DCAF17: variants seen among roughly 807,000 people sequenced by gnomAD.
DCAF17 encodes DDB1- and CUL4-associated factor 17.
In DCAF17, 48 loss-of-function variants were observed where a neutral mutation model predicts 66.0. The observed-to-expected ratio is 0.73, with a 90% confidence interval of 0.58 to 0.92. The LOEUF (loss-of-function observed/expected upper bound fraction) is 0.92, where lower values mean the gene tolerates loss of function less well. Among genes scored for constraint, DCAF17 ranks in the 40% least tolerant of loss-of-function variants. The pLI, the probability that DCAF17 is intolerant of heterozygous loss-of-function variation, is 0.00. For missense variants in DCAF17, 562 were observed against 622.8 expected (o/e 0.90, Z 1.04); for synonymous variants, 206 against 214.6 (o/e 0.96, Z 0.35).
chr2:171,477,575 C>T (rs1696556399), intron 11 of DCAF17, among the ~76,000 whole-genome samples: 1 of 152,158 alleles, frequency 6.6e-6, no homozygotes, highest in South Asian at 2.1e-4. Flanking sequence ...AGACAGATTG[C>T]TTGAGTTCAG....
chr2:171,448,396 A>G (rs1195748710), intron 3 of DCAF17, among the ~76,000 whole-genome samples: 2 of 151,996 alleles, frequency 1.3e-5, no homozygotes, highest in Admixed American at 6.6e-5. Flanking sequence ...TACTGTTATT[A>G]TGACTAACAT....
chr2:171,448,274 G>A (rs1373624236), intron 3 of DCAF17, among the ~76,000 whole-genome samples: 3 of 152,084 alleles, frequency 2.0e-5, no homozygotes, highest in Non-Finnish European at 4.4e-5. Context: ...TGGGACTCCA[G>A]GCACTCACCA....
intron 4 of DCAF17, 142 bp from the exon 5 acceptor site, chr2:171,449,737 G>A (rs183473333): frequency 1.9e-6 from 1 of 530,770 alleles, no homozygotes; most frequent in Non-Finnish European, 3.2e-6. Flanking sequence ...AATTTTTTTA[G>A]CTATTTATTT....
chr2:171,434,459 T>A lies in DCAF17; in HGVS notation c.-119T>A. On this transcript the variant is annotated 5_prime_UTR_variant, in exon 1 of 14. Coordinates refer to ENST00000375255, the MANE Select transcript of DCAF17 (RefSeq NM_025000.4). ...CCCGCCTCCCCGTGTCAGCTTTCCC[T>A]GGGCCCCGCCGGGAAAGTCTGGGCC... 2 of 1,501,714 alleles carry A rather than the reference T, an allele frequency of 1.3e-6. No homozygotes were observed. The highest frequency in any genetic ancestry group is 1.8e-6 in the Non-Finnish European group (2 of 1,121,582). 93.0% of individuals were successfully genotyped at this position (1,501,714 alleles called of 1,614,324 possible).
intron 6 of DCAF17, among the ~76,000 whole-genome samples, chr2:171,453,728 T>A (rs1265411397): frequency 1.3e-5 from 2 of 152,134 alleles, no homozygotes; most frequent in Non-Finnish European, 2.9e-5. Context: ...AGGAGCAAAT[T>A]TCCTTTGAGT....
chr2:171,479,969 A>C, intron 12 of DCAF17, 69 bp from the exon 13 acceptor site: 1 of 1,547,368 alleles, frequency 6.5e-7, no homozygotes, highest in Non-Finnish European at 8.9e-7. Flanking sequence ...AACTATAAAT[A>C]CAGAAATAAG....
At chr2:171,477,897 G>A in intron 11 of DCAF17, 90 bp from the exon 12 acceptor site, 3 of 1,075,470 alleles carry the variant, frequency 2.8e-6, no homozygotes, top group Non-Finnish European at 4.3e-6. Flanking sequence ...AGAAGGGTTG[G>A]TAAGTTTTAC....
In DCAF17 at chr2:171,481,162, A is replaced by T. The variant is rs753380867; in HGVS notation, c.*48A>T. 3.1e-5 allele frequency: 50 copies of T among 1,610,584 alleles called. No individual in the cohort carries two copies. The South Asian group carries it at 4.5e-4, about 15-fold the overall frequency. ...TAAGAGACTTTTAGCCAAACACCCC[A>T]GCAGCTGCGTCCAATCCATTTTATT... is the stretch of plus-strand genomic sequence containing the variant. On this transcript the variant is annotated 3_prime_UTR_variant, in exon 14 of 14. Coordinates refer to ENST00000375255, the MANE Select transcript of DCAF17 (RefSeq NM_025000.4).
At chr2:171,457,516 A>G (rs560036514) in intron 6 of DCAF17, among the ~76,000 whole-genome samples, 85 of 152,344 alleles carry the variant, frequency 5.6e-4, no homozygotes, top group African/African-American at 1.8e-3. Flanking sequence ...ATGAAAGACT[A>G]TCCAGGGGCT....
chr2:171,468,100 A>G (rs1696029638), intron 8 of DCAF17, among the ~76,000 whole-genome samples: 3 of 152,260 alleles, frequency 2.0e-5, no homozygotes, highest in South Asian at 2.1e-4. Context: ...TAAAATTGCT[A>G]TACCTTCTAT....
At chr2:171,469,739 A>G (rs1455594713) in intron 9 of DCAF17, among the ~76,000 whole-genome samples, 1 of 152,212 alleles carries the variant, frequency 6.6e-6, no homozygotes, top group Non-Finnish European at 1.5e-5. Flanking sequence ...AGTGATTGTG[A>G]TAAGTGCAAA....
chr2:171,434,652 A>G lies in DCAF17; in HGVS notation c.75A>G (p.Ala25=). The change falls in exon 1 of 14, where the codon GCA becomes GCG. Residue 25 remains alanine, a synonymous_variant. Transcript: ENST00000375255. Reference sequence around the variant, plus strand: ...CGCTGGGCTGCTTCTCGCGCGACGCAGGCGTGGTGCAGAGGACCAACCTGG... The same window carrying G: ...CGCTGGGCTGCTTCTCGCGCGACGCGGGCGTGGTGCAGAGGACCAACCTGG... ...RRALGCFSRD[A]GVVQRTNLGI... is the part of the protein sequence containing the mutation. The G allele has an allele frequency of 6.5e-7, 1 of 1,535,780 alleles. No homozygotes were observed. The highest frequency in any genetic ancestry group is 8.7e-7 in the Non-Finnish European group (1 of 1,149,318).
At chr2:171,455,861 G>GT (rs999905686) in intron 6 of DCAF17, among the ~76,000 whole-genome samples, 63 of 150,566 alleles carry the variant, frequency 4.2e-4, no homozygotes, top group African/African-American at 1.3e-3. Flanking sequence ...TAATGGGGTT[G>GT]TTTTTTTTTC....
At chr2:171,468,360 T>C (rs951406883) in intron 8 of DCAF17, among the ~76,000 whole-genome samples, 2 of 152,124 alleles carry the variant, frequency 1.3e-5, no homozygotes, top group Non-Finnish European at 2.9e-5. Flanking sequence ...GTTACATTCA[T>C]TGGGACTAAT....
intron 8 of DCAF17, among the ~76,000 whole-genome samples, chr2:171,459,600 C>T (rs561426821): frequency 6.6e-6 from 1 of 152,100 alleles, no homozygotes; most frequent in Non-Finnish European, 1.5e-5. Context: ...GGTGAAATGC[C>T]AAAGGATTTT....
At chr2:171,455,154 G>A (rs946377634) in intron 6 of DCAF17, among the ~76,000 whole-genome samples, 9 of 138,314 alleles carry the variant, frequency 6.5e-5, no homozygotes, top group East Asian at 2.5e-4. Flanking sequence ...TCCACCCTCC[G>A]ATAGGCCCGA....
chr2:171,453,070 T>C (rs1695044863), intron 5 of DCAF17, 54 bp from the exon 6 acceptor site: 2 of 1,234,872 alleles, frequency 1.6e-6, no homozygotes, highest in Non-Finnish European at 2.3e-6. Flanking sequence ...ATGAAAACAG[T>C]GTGTTTCTGA....
intron 9 of DCAF17, among the ~76,000 whole-genome samples, chr2:171,469,972 TTGA>T (rs1696147904): frequency 6.6e-6 from 1 of 152,048 alleles, no homozygotes; most frequent in South Asian, 2.1e-4. Context: ...GCTTTAATTG[TTGA>T]TATTTTTTCT....
chr2:171,484,902 G>A lies in DCAF17; in HGVS notation c.*3788G>A. On this transcript the variant is annotated 3_prime_UTR_variant, in exon 14 of 14. Transcript: ENST00000375255. ...TTGAGATTTATTCATGTTGTTGCAT[G>A]TGTCAGTGATTCATTTCTTTTTATT... 1 of 453,894 alleles carries A rather than the reference G, an allele frequency of 2.2e-6. No individual in the cohort carries two copies. The highest frequency in any genetic ancestry group is 1.6e-5 in the South Asian group (1 of 64,426). The allele number at this position is 453,894 out of a possible 1,614,324, so 28.1% of individuals were successfully genotyped here.
Sources: gnomAD v4.1 joint callset for allele counts (sites outside exome capture counted in the v4.1 genomes callset) on GRCh38, gnomAD v4.1.1 for gene constraint, MANE v1.5 for transcripts, NCBI Gene and HGNC (gene_info 2026-07-23, HGNC 2026-07-21) for gene names.